Variants in DPH6 observed in about 807,000 individuals in gnomAD.
The protein encoded by DPH6 is diphthamine biosynthesis 6.
A neutral mutation model predicts 38.2 loss-of-function variants in DPH6; 33 were observed. The ratio of observed to expected loss-of-function variants is 0.86; its 90% CI spans 0.65 to 1.15. DPH6 has a LOEUF of 1.15. Among genes scored for constraint, DPH6 ranks in the 50% most tolerant of loss-of-function variants. The pLI is 0.00. For missense variants in DPH6, 325 were observed against 320.0 expected (o/e 1.02, Z -0.12); for synonymous variants, 108 against 103.0 (o/e 1.05, Z -0.30).
intron 3 of DPH6, among the ~76,000 whole-genome samples, chr15:35,250,702 G>C (rs951121672): frequency 6.6e-6 from 1 of 151,674 alleles, no homozygotes; most frequent in Non-Finnish European, 1.5e-5. Context: ...AGACAAACAA[G>C]ATCTAGGACT....
the DPH6 span, among the ~76,000 whole-genome samples, chr15:35,196,371 G>A: frequency 6.6e-6 from 1 of 152,102 alleles, no homozygotes; most frequent in African/African-American, 2.4e-5. Context: ...ATCCTTGATA[G>A]AGATGCTAAG....
chr15:35,161,295 T>C, the DPH6 span, among the ~76,000 whole-genome samples: 2 of 151,920 alleles, frequency 1.3e-5, no homozygotes, highest in Non-Finnish European at 2.9e-5. Context: ...TTGGCATTTT[T>C]CCTCCTCCTT....
intron 3 of DPH6, among the ~76,000 whole-genome samples, chr15:35,364,941 CT>C (rs2052644152): frequency 6.6e-6 from 1 of 152,046 alleles, no homozygotes; most frequent in South Asian, 2.1e-4. Context: ...CCTCTTAATT[CT>C]TTTATGTGTA....
the DPH6 span, among the ~76,000 whole-genome samples, chr15:35,204,890 T>C: frequency 2.0e-5 from 3 of 151,980 alleles, no homozygotes; most frequent in Non-Finnish European, 2.9e-5. Flanking sequence ...TTTGTGTCTG[T>C]CTGCATTTTG....
At chr15:35,503,727 A>AT (rs2054657005) in intron 3 of DPH6, among the ~76,000 whole-genome samples, 1 of 152,094 alleles carries the variant, frequency 6.6e-6, no homozygotes, top group African/African-American at 2.4e-5. Flanking sequence ...CTCATCTTGA[A>AT]ACACTATATG....
At chr15:35,292,522 A>G (rs2051986914) in intron 3 of DPH6, among the ~76,000 whole-genome samples, 1 of 152,156 alleles carries the variant, frequency 6.6e-6, no homozygotes, top group Non-Finnish European at 1.5e-5. Context: ...AATTTGTTCA[A>G]CTGGTGACTG....
At chr15:35,192,139 AAAGTATTT>A in the DPH6 span, among the ~76,000 whole-genome samples, 1 of 152,228 alleles carries the variant, frequency 6.6e-6, no homozygotes, top group Non-Finnish European at 1.5e-5. Context: ...CTTATTCCAG[AAAGTATTT>A]AAGACAGGGT....
chr15:35,283,539 G>A (rs147691293), intron 3 of DPH6, among the ~76,000 whole-genome samples: 72 of 151,718 alleles, frequency 4.7e-4, no homozygotes, highest in African/African-American at 1.5e-3. Flanking sequence ...CTCATGATCC[G>A]CCGCTTTGGC....
intron 3 of DPH6, among the ~76,000 whole-genome samples, chr15:35,461,358 C>T (rs1450683483): frequency 6.6e-6 from 1 of 152,220 alleles, no homozygotes; most frequent in African/African-American, 2.4e-5. Flanking sequence ...CAGGCATGAG[C>T]TACTGTACCC....
downstream of DPH6, among the ~76,000 whole-genome samples, chr15:35,329,717 C>T (rs192466211): frequency 8.9e-4 from 135 of 152,172 alleles, no homozygotes; most frequent in African/African-American, 3.1e-3. Flanking sequence ...ATGACAGCAT[C>T]GTAATTCACT....
At chr15:35,253,414 G>A (rs573398248) in intron 3 of DPH6, among the ~76,000 whole-genome samples, 23 of 152,286 alleles carry the variant, frequency 1.5e-4, no homozygotes, top group Non-Finnish European at 2.6e-4. Context: ...CTGTGCAAAT[G>A]AACTCACAAC....
At chr15:35,257,701 G>A (rs2051717514) in intron 3 of DPH6, among the ~76,000 whole-genome samples, 1 of 151,792 alleles carries the variant, frequency 6.6e-6, no homozygotes, top group Admixed American at 6.6e-5. Context: ...GCAATTAAAA[G>A]AAACTCAGCA....
intron 3 of DPH6, among the ~76,000 whole-genome samples, chr15:35,307,351 T>C (rs1197746855): frequency 6.6e-6 from 1 of 152,132 alleles, no homozygotes; most frequent in Non-Finnish European, 1.5e-5. Flanking sequence ...GAATTCTCTA[T>C]TATTAAAGAT....
At chr15:35,536,326 T>C (rs1403919729) in intron 3 of DPH6, among the ~76,000 whole-genome samples, 3 of 152,010 alleles carry the variant, frequency 2.0e-5, no homozygotes, top group Non-Finnish European at 4.4e-5. Context: ...ATAGTAAAAT[T>C]AATATTTCTA....
chr15:35,251,458 A>G (rs1204472572), intron 3 of DPH6, among the ~76,000 whole-genome samples: 1 of 152,118 alleles, frequency 6.6e-6, no homozygotes, highest in Admixed American at 6.5e-5. Context: ...AGGGCTGATC[A>G]TGTCATTCTC....
downstream of DPH6, among the ~76,000 whole-genome samples, chr15:35,215,108 GCATGTTTAAGAAGCAT>G (rs1408685125): frequency 1.3e-5 from 2 of 152,162 alleles, no homozygotes; most frequent in African/African-American, 4.8e-5. Context: ...GCCTTTTATG[GCATGTTTAAGAAGCAT>G]CATGAGGGAA....
At chr15:35,418,665 T>C (rs2053465914) in intron 5 of DPH6, among the ~76,000 whole-genome samples, 1 of 152,150 alleles carries the variant, frequency 6.6e-6, no homozygotes, top group Admixed American at 6.5e-5. Flanking sequence ...TTGAAGTTAA[T>C]GCCTGTTTTA....
intron 6 of DPH6, among the ~76,000 whole-genome samples, chr15:35,383,952 G>A (rs555564549): frequency 2.0e-5 from 3 of 152,200 alleles, no homozygotes; most frequent in East Asian, 1.9e-4. Context: ...AAAGCATGAC[G>A]TATGCATGTG....
chr15:35,388,691 C>A (rs1273784467), intron 6 of DPH6, among the ~76,000 whole-genome samples: 2 of 152,154 alleles, frequency 1.3e-5, no homozygotes, highest in Admixed American at 6.5e-5. Flanking sequence ...GGTGATATCC[C>A]CTTTGTCATT....
Sources: gnomAD v4.1 joint callset for allele counts (sites outside exome capture counted in the v4.1 genomes callset) on GRCh38, gnomAD v4.1.1 for gene constraint, MANE v1.5 for transcripts, NCBI Gene and HGNC (gene_info 2026-07-23, HGNC 2026-07-21) for gene names.